Variants in IKZF2 observed in about 807,000 individuals in gnomAD.
The protein encoded by IKZF2 is zinc finger protein Helios.
A neutral mutation model predicts 49.2 loss-of-function variants in IKZF2; 15 were observed. That is an observed-to-expected ratio of 0.30 (90% CI 0.20 to 0.47). The LOEUF (loss-of-function observed/expected upper bound fraction) is 0.47, where lower values mean the gene tolerates loss of function less well. IKZF2 is among the 20% of genes least tolerant of loss of function. IKZF2 has a pLI of 1.00. For missense variants in IKZF2, 567 were observed against 664.6 expected, an observed-to-expected ratio of 0.85 and a Z score of 1.61; for synonymous variants, 227 against 221.4, an observed-to-expected ratio of 1.03 and a Z score of -0.23.
intron 4 of IKZF2, among the ~76,000 whole-genome samples, chr2:213,132,737 G>C (rs2060514818): frequency 6.6e-6 from 1 of 152,152 alleles, no homozygotes; most frequent in Non-Finnish European, 1.5e-5. Flanking sequence ...AGACCTGCCA[G>C]CAAACACATC....
At chr2:213,058,022 T>C (rs948450270) in intron 4 of IKZF2, among the ~76,000 whole-genome samples, 1 of 152,160 alleles carries the variant, frequency 6.6e-6, no homozygotes, top group Non-Finnish European at 1.5e-5. Flanking sequence ...TCCAGTAATA[T>C]AGAAAATTTC....
At chr2:213,065,851 T>C (rs1702112174) in intron 4 of IKZF2, among the ~76,000 whole-genome samples, 1 of 152,044 alleles carries the variant, frequency 6.6e-6, no homozygotes, top group Non-Finnish European at 1.5e-5. Context: ...TGTCAATATG[T>C]TAAAGAATGA....
intron 6 of IKZF2, among the ~76,000 whole-genome samples, chr2:213,022,658 G>T (rs1482202442): frequency 2.0e-5 from 3 of 152,178 alleles, no homozygotes; most frequent in Non-Finnish European, 4.4e-5. Flanking sequence ...ACAGATGAAA[G>T]TAGAGTTTCC....
intron 5 of IKZF2, among the ~76,000 whole-genome samples, chr2:213,056,305 A>G (rs1173601419): frequency 6.6e-6 from 1 of 152,160 alleles, no homozygotes; most frequent in African/African-American, 2.4e-5. Context: ...ACCAACAATT[A>G]CAGAAAGATG....
chr2:213,095,318 T>C (rs1705844994), intron 4 of IKZF2, among the ~76,000 whole-genome samples: 1 of 152,110 alleles, frequency 6.6e-6, no homozygotes, highest in Non-Finnish European at 1.5e-5. Context: ...TTTTTAAATA[T>C]CCAAGATTCA....
intron 4 of IKZF2, among the ~76,000 whole-genome samples, chr2:213,085,594 A>C (rs1219846492): frequency 3.3e-5 from 5 of 152,232 alleles, no homozygotes; most frequent in Non-Finnish European, 7.3e-5. Context: ...TGGTGTAATA[A>C]AAGAATGAGA....
chr2:213,082,929 G>A (rs1419738098), intron 4 of IKZF2, among the ~76,000 whole-genome samples: 2 of 152,138 alleles, frequency 1.3e-5, no homozygotes. Context: ...GAGAAATGTT[G>A]CTTTGGTTTG....
At chr2:213,097,076 T>C (rs1706092081) in intron 4 of IKZF2, among the ~76,000 whole-genome samples, 1 of 151,966 alleles carries the variant, frequency 6.6e-6, no homozygotes, top group Admixed American at 6.6e-5. Flanking sequence ...TTTTCTATAT[T>C]TTTAAAGACC....
chr2:213,091,066 A>G (rs1705266523), intron 4 of IKZF2, among the ~76,000 whole-genome samples: 1 of 152,192 alleles, frequency 6.6e-6, no homozygotes. Flanking sequence ...TTCAGAGGAA[A>G]GGAAAGGTGC....
chr2:213,079,329 T>C (rs1703639676), intron 4 of IKZF2, among the ~76,000 whole-genome samples: 2 of 150,634 alleles, frequency 1.3e-5, no homozygotes, highest in South Asian at 4.2e-4. Flanking sequence ...GAGTAAGCCA[T>C]GATTGTGCCA....
chr2:213,140,889 T>C (rs973963478), intron 4 of IKZF2, among the ~76,000 whole-genome samples: 1 of 152,040 alleles, frequency 6.6e-6, no homozygotes, highest in Non-Finnish European at 1.5e-5. Context: ...TAAAGTAATA[T>C]GGGCAGAAAA....
chr2:213,053,024 T>G (rs1700819408), intron 5 of IKZF2, among the ~76,000 whole-genome samples: 1 of 152,156 alleles, frequency 6.6e-6, no homozygotes, highest in Non-Finnish European at 1.5e-5. Flanking sequence ...GTGCCCTTTT[T>G]GAGTCAGTTT....
At chr2:213,035,662 A>G (rs1698948516) in intron 6 of IKZF2, among the ~76,000 whole-genome samples, 1 of 152,232 alleles carries the variant, frequency 6.6e-6, no homozygotes, top group Non-Finnish European at 1.5e-5. Context: ...AGTAGGAAAG[A>G]ATAAAGAAAC....
intron 4 of IKZF2, among the ~76,000 whole-genome samples, chr2:213,078,285 G>C (rs1703506756): frequency 6.6e-6 from 1 of 152,078 alleles, no homozygotes; most frequent in Non-Finnish European, 1.5e-5. Flanking sequence ...TTTAACAAAG[G>C]TTTTTCTTCC....
At chr2:213,069,988 C>T (rs911135872) in intron 4 of IKZF2, among the ~76,000 whole-genome samples, 4 of 151,952 alleles carry the variant, frequency 2.6e-5, no homozygotes, top group African/African-American at 9.7e-5. Flanking sequence ...TTTAATTGTG[C>T]GATATTTTTA....
chr2:213,042,104 C>T (rs1699722178), intron 6 of IKZF2, among the ~76,000 whole-genome samples: 1 of 152,120 alleles, frequency 6.6e-6, no homozygotes, highest in South Asian at 2.1e-4. Context: ...CTAAAACCCA[C>T]ATGCCTTGAT....
intron 4 of IKZF2, among the ~76,000 whole-genome samples, chr2:213,076,292 C>T (rs185625472): frequency 2.0e-5 from 3 of 151,640 alleles, no homozygotes; most frequent in East Asian, 1.9e-4. Flanking sequence ...TCTAAAACAC[C>T]GAAACAAAAC....
At chr2:213,139,001 T>C (rs1034282532) in intron 4 of IKZF2, among the ~76,000 whole-genome samples, 4 of 152,176 alleles carry the variant, frequency 2.6e-5, no homozygotes, top group Non-Finnish European at 5.9e-5. Flanking sequence ...TTTCTGTGAA[T>C]GGAAGTTCGA....
chr2:213,142,545 G>T (rs1248407832), intron 4 of IKZF2, among the ~76,000 whole-genome samples: 3 of 151,926 alleles, frequency 2.0e-5, no homozygotes, highest in African/African-American at 7.2e-5. Context: ...TGAGCATTTT[G>T]CATGTATTGC....
Sources: allele counts gnomAD v4.1 joint callset (sites outside exome capture counted in the v4.1 genomes callset), GRCh38; gene constraint gnomAD v4.1.1; transcripts MANE v1.5; gene names NCBI Gene and HGNC (gene_info 2026-07-23, HGNC 2026-07-21).